Variants in DOK6 observed in about 807,000 individuals in gnomAD.
DOK6 encodes the protein downstream of tyrosine kinase 6.
In DOK6, 22 loss-of-function variants were observed where a neutral mutation model predicts 44.0. The ratio of observed to expected loss-of-function variants is 0.50; its 90% confidence interval spans 0.36 to 0.71. The LOEUF is 0.71. Among genes scored for constraint, DOK6 ranks in the 30% least tolerant of loss-of-function variants. The pLI, the probability that DOK6 is intolerant of heterozygous loss-of-function variation, is 0.00. For synonymous variants in DOK6, 166 were observed against 145.5 expected, an observed-to-expected ratio of 1.14 and a Z score of -1.01; for missense variants, 340 against 416.4, an observed-to-expected ratio of 0.82 and a Z score of 1.60.
At chr18:69,647,930 T>G (rs1455705968) in intron 3 of DOK6, among the ~76,000 whole-genome samples, 3 of 152,236 alleles carry the variant, frequency 2.0e-5, no homozygotes, top group African/African-American at 7.2e-5. Context: ...GGCTGCAGTT[T>G]TAGCTGCCCA....
chr18:69,605,774 G>A (rs1036056324), intron 3 of DOK6, among the ~76,000 whole-genome samples: 5 of 152,016 alleles, frequency 3.3e-5, no homozygotes, highest in East Asian at 1.9e-4. Context: ...GAAACCTACC[G>A]CTACATCACA....
intron 4 of DOK6, 36 bp from the exon 5 acceptor site, chr18:69,698,368 T>TGAAAAAA (rs1986437535): frequency 1.3e-6 from 2 of 1,564,844 alleles, no homozygotes. Flanking sequence ...CACACCTCTT[T>TGAAAAAA]TCACTTAACC....
intron 5 of DOK6, among the ~76,000 whole-genome samples, chr18:69,699,563 G>T (rs1232847894): frequency 1.3e-5 from 2 of 152,016 alleles, no homozygotes; most frequent in Non-Finnish European, 2.9e-5. Flanking sequence ...CTACCACACT[G>T]ATTTCTCTGA....
At chr18:69,692,562 A>G (rs761990196) in intron 4 of DOK6, among the ~76,000 whole-genome samples, 104 of 152,368 alleles carry the variant, frequency 6.8e-4, no homozygotes, top group Non-Finnish European at 4.4e-5. Context: ...TTAAATCTTT[A>G]AAGTTATTTT....
intron 1 of DOK6, among the ~76,000 whole-genome samples, chr18:69,482,328 G>A (rs1980449587): frequency 6.6e-6 from 1 of 152,130 alleles, no homozygotes; most frequent in Admixed American, 6.6e-5. Flanking sequence ...TATTGCACGT[G>A]CACTGATGGG....
chr18:69,457,572 C>T lies in DOK6; in HGVS notation c.66+56262C>T, dbSNP rs576706778. Among the ~76,000 whole-genome samples, 4 of 152,196 alleles carry T rather than the reference C, an allele frequency of 2.6e-5. No homozygotes were observed. In the South Asian group the frequency reaches 8.3e-4, roughly 32 times the overall value. ...TAGTCTGAAGTCAGGTGATGTGATG[C>T]CTCAAGTCTGGTTCTTTTTTGCTTA... On this transcript the variant is annotated intron_variant, in intron 1 of 7. Coordinates refer to ENST00000382713, the MANE Select transcript of DOK6 (RefSeq NM_152721.6).
At chr18:69,813,022 G>A (rs897643874) in intron 7 of DOK6, among the ~76,000 whole-genome samples, 6 of 152,094 alleles carry the variant, frequency 3.9e-5, no homozygotes, top group African/African-American at 1.4e-4. Context: ...TAAATTGCAA[G>A]ATACCAGTAT....
intron 1 of DOK6, among the ~76,000 whole-genome samples, chr18:69,509,563 G>C (rs564407271): frequency 6.6e-6 from 1 of 150,876 alleles, no homozygotes; most frequent in African/African-American, 2.4e-5. Context: ...GCGTGAACCC[G>C]GGAGGTGGAG....
intron 1 of DOK6, among the ~76,000 whole-genome samples, chr18:69,442,161 A>T (rs867960028): frequency 6.6e-6 from 1 of 152,132 alleles, no homozygotes; most frequent in Non-Finnish European, 1.5e-5. Context: ...TCTCTCTTCT[A>T]AAAATAGGAT....
chr18:69,805,098 C>T (rs942372522), intron 7 of DOK6, among the ~76,000 whole-genome samples: 14 of 152,104 alleles, frequency 9.2e-5, no homozygotes, highest in African/African-American at 2.9e-4. Context: ...AGGAGAGATT[C>T]GAAACCCACT....
At chr18:69,691,231 A>ATAAG (rs71177000) in intron 4 of DOK6, among the ~76,000 whole-genome samples, 1 of 151,488 alleles carries the variant, frequency 6.6e-6, no homozygotes. Flanking sequence ...AAATAAATAA[A>ATAAG]AATATAGAAT....
chr18:69,505,079 T>C (rs1403580573), intron 1 of DOK6, among the ~76,000 whole-genome samples: 1 of 152,226 alleles, frequency 6.6e-6, no homozygotes, highest in African/African-American at 2.4e-5. Flanking sequence ...GAAGAAAAGT[T>C]CTCTTTTCTA....
intron 2 of DOK6, among the ~76,000 whole-genome samples, chr18:69,569,916 A>ATCCTTAGC (rs1263086267): frequency 6.6e-6 from 1 of 152,160 alleles, no homozygotes. Flanking sequence ...GGAGGCCATT[A>ATCCTTAGC]TCCTTAGCAA....
chr18:69,490,003 G>C (rs1290898060), intron 1 of DOK6, among the ~76,000 whole-genome samples: 1 of 151,790 alleles, frequency 6.6e-6, no homozygotes, highest in Non-Finnish European at 1.5e-5. Flanking sequence ...CAACATTGTA[G>C]GCTGCCATGT....
intron 4 of DOK6, 110 bp from the exon 5 acceptor site, chr18:69,698,294 G>A (rs776339156): frequency 1.4e-5 from 13 of 915,446 alleles, no homozygotes; most frequent in Admixed American, 2.7e-5. Context: ...CACCTAGGGA[G>A]GATGTGGTCA....
intron 5 of DOK6, among the ~76,000 whole-genome samples, chr18:69,715,529 G>A (rs1055205081): frequency 3.3e-5 from 5 of 152,152 alleles, no homozygotes; most frequent in Admixed American, 1.3e-4. Context: ...GCGATCTCAC[G>A]CACCCTGTTG....
intron 1 of DOK6, among the ~76,000 whole-genome samples, chr18:69,464,633 T>G (rs955756645): frequency 6.6e-6 from 1 of 152,248 alleles, no homozygotes; most frequent in African/African-American, 2.4e-5. Context: ...GTTGACATCA[T>G]CTATAAAGTT....
chr18:69,566,430 C>T (rs1336258869), intron 2 of DOK6, among the ~76,000 whole-genome samples: 1 of 152,204 alleles, frequency 6.6e-6, no homozygotes, highest in Non-Finnish European at 1.5e-5. Flanking sequence ...ACCACCGCAC[C>T]CGGCCCAGTT....
chr18:69,711,941 A>G (rs919370818), intron 5 of DOK6, among the ~76,000 whole-genome samples: 18 of 152,180 alleles, frequency 1.2e-4, no homozygotes, highest in African/African-American at 4.3e-4. Flanking sequence ...AAAACTCAAA[A>G]TAACCAGACA....
Sources: gnomAD v4.1 joint callset for allele counts (sites outside exome capture counted in the v4.1 genomes callset) on GRCh38, gnomAD v4.1.1 for gene constraint, MANE v1.5 for transcripts, NCBI Gene and HGNC (gene_info 2026-07-23, HGNC 2026-07-21) for gene names.